The following HEATR5A variants were observed in gnomAD, a reference collection of about 807,000 sequenced individuals.
HEATR5A encodes the protein HEAT repeat containing 5A.
A neutral mutation model predicts 218.8 loss-of-function variants in HEATR5A; 178 were observed. The ratio of observed to expected loss-of-function variants is 0.81; its 90% CI spans 0.72 to 0.92. The LOEUF (loss-of-function observed/expected upper bound fraction) is 0.92, where lower values mean the gene tolerates loss of function less well. HEATR5A is among the 40% of genes least tolerant of loss of function. The pLI is 0.00. For missense variants in HEATR5A, 2,420 were observed against 2,418.9 expected, an observed-to-expected ratio of 1.00 and a Z score of -0.01; for synonymous variants, 864 against 871.6, an observed-to-expected ratio of 0.99 and a Z score of 0.15.
In HEATR5A at chr14:31,304,993, C is replaced by T; in HGVS notation, c.5151G>A (p.Lys1717=). 1 of 1,613,986 alleles carries T rather than the reference C, an allele frequency of 6.2e-7. No individual in the cohort carries two copies. Among genetic ancestry groups the T allele is most frequent in the Non-Finnish European group, 8.5e-7 (1 of 1,179,892 alleles). ...TTCCATCTTCTAATAGTATCTGTGGCTTCGTAGCTTTTACTCCTGGGCTAC... is the reference window on the plus strand; with the variant it reads ...TTCCATCTTCTAATAGTATCTGTGGTTTCGTAGCTTTTACTCCTGGGCTAC... ...LTGSPGVKAT[K]PQILLEDGSR... is the part of the protein sequence containing the mutation. The change falls in exon 32 of 36, where the codon AAG becomes AAA. Residue 1717 remains lysine, a synonymous_variant. Coordinates refer to ENST00000543095, the MANE Select transcript of HEATR5A (RefSeq NM_015473.4).
At position 31,293,104 on chromosome 14, in the gene HEATR5A, A is replaced by G. The variant is rs1899071250; in HGVS notation, c.*201T>C. On this transcript the variant is annotated 3_prime_UTR_variant, in exon 36 of 36. Transcript: ENST00000543095. ...GCTCCATTGTCTTTTTAAATAGAAAAACAAAACAAAACAAAACACAAACCC... is the reference window on the plus strand; with the variant it reads ...GCTCCATTGTCTTTTTAAATAGAAAGACAAAACAAAACAAAACACAAACCC... The G allele has an allele frequency of 2.2e-6, 1 of 453,002 alleles. No individual in the cohort carries two copies. Among genetic ancestry groups the G allele is most frequent in the Non-Finnish European group, 3.8e-6 (1 of 259,768 alleles). The allele number at this position is 453,002 out of a possible 1,614,324, so 28.1% of individuals were successfully genotyped here. A position where few individuals can be genotyped will look rare whatever the true frequency, so the allele number is the denominator to read the frequency against.
intron 32 of HEATR5A, among the ~76,000 whole-genome samples, chr14:31,303,350 T>C (rs1899449874): frequency 6.6e-6 from 1 of 152,100 alleles, no homozygotes. Context: ...GAAGAACTGC[T>C]TGAACCCGGG....
chr14:31,360,105 A>G (rs1028580360), intron 14 of HEATR5A, among the ~76,000 whole-genome samples: 3 of 150,716 alleles, frequency 2.0e-5, no homozygotes, highest in African/African-American at 4.9e-5. Flanking sequence ...CAAATTTCCA[A>G]CTATCTCATA....
Position 31,371,858 on chromosome 14 carries a change from G to A in HEATR5A, c.1913C>T (p.Thr638Ile). 6.4e-7 allele frequency: 1 copy of A among 1,554,062 alleles called. No individual in the cohort carries two copies. The highest frequency in any genetic ancestry group is 8.7e-7 in the Non-Finnish European group (1 of 1,147,974). The change falls in exon 13 of 36, where the codon ACT becomes ATT. Residue 638 changes from threonine to isoleucine, a missense_variant. By Grantham distance (89) the Thr-to-Ile change is moderately conservative (BLOSUM62 -1). Transcript: ENST00000543095. ...HCGDLLTEEV[T>I]QRLLPPLPCA... The stretch of plus-strand genomic sequence containing the variant: ...AGGAAGTGGTGGAAGAAGACGCTGA[G>A]TTACTTCCTCAGTAAGAAGATCACC...
chr14:31,353,069 G>A (rs1347846827), intron 16 of HEATR5A, among the ~76,000 whole-genome samples: 2 of 151,216 alleles, frequency 1.3e-5, no homozygotes, highest in Non-Finnish European at 2.9e-5. Flanking sequence ...TGTATTTATC[G>A]TAATAAATTT....
intron 1 of HEATR5A, among the ~76,000 whole-genome samples, chr14:31,409,299 C>T (rs942003954): frequency 1.3e-4 from 20 of 151,024 alleles, no homozygotes; most frequent in Non-Finnish European, 2.1e-4. Flanking sequence ...CCAACCGCCT[C>T]GGCATCCCAA....
rs190037653 is a variant in HEATR5A at position 31,372,419 on chromosome 14, T to C, written c.1862-510A>G. On this transcript the variant is annotated intron_variant, in intron 12 of 35. Transcript: ENST00000543095. ...TCTCGAAGTCCTGGCCTCAAGTGAT[T>C]GATCTGTCTGCCTGGGCCTCCCAAA... Among the ~76,000 whole-genome samples, 274 of 152,340 alleles carry C rather than the reference T, an allele frequency of 1.8e-3. 1 individual carries two copies. The highest frequency in any genetic ancestry group is 3.2e-3 in the Non-Finnish European group (218 of 68,026).
intron 21 of HEATR5A, among the ~76,000 whole-genome samples, chr14:31,338,390 C>T (rs536845246): frequency 1.3e-5 from 2 of 152,130 alleles, no homozygotes; most frequent in Admixed American, 1.3e-4. Flanking sequence ...CATTACAGAA[C>T]ACCAAATTTT....
rs116735504 is a variant in HEATR5A at position 31,293,610 on chromosome 14, C to A, written c.5836G>T (p.Ala1946Ser). ...GGCAAAAGACAGGCCACCAGCTGAGCGCCTAGAAAGTAAACAAATAATATA... is the reference window on the plus strand; with the variant it reads ...GGCAAAAGACAGGCCACCAGCTGAGAGCCTAGAAAGTAAACAAATAATATA... ...LVTVAEEHHRAQLVACLLPIL... is the reference protein window; with the variant it reads ...LVTVAEEHHRSQLVACLLPIL... The change falls in exon 36 of 36, where the codon GCT becomes TCT. Residue 1946 changes from alanine to serine, a missense_variant and splice_region_variant. Coordinates refer to ENST00000543095, the MANE Select transcript of HEATR5A (RefSeq NM_015473.4). 1 of 1,599,480 alleles carries A rather than the reference C, an allele frequency of 6.3e-7. No individual in the cohort carries two copies. Among genetic ancestry groups the A allele is most frequent in the Non-Finnish European group, 8.5e-7 (1 of 1,175,108 alleles).
rs183409251 is a variant in HEATR5A at position 31,299,838 on chromosome 14, C to T, written c.5464+2457G>A. 8.6e-4 allele frequency among the ~76,000 whole-genome samples: 130 copies of T among 151,300 alleles called. 1 individual carries two copies. In the East Asian group the frequency reaches 0.023, roughly 27 times the overall value. ...ACGAGGTCAGGAGTTCGAGACCAGC[C>T]TGACCAACATGGTGAAACCGTCTCT... On this transcript the variant is annotated intron_variant, in intron 33 of 35. Transcript: ENST00000543095.
intron 13 of HEATR5A, among the ~76,000 whole-genome samples, chr14:31,366,112 G>C (rs1747983203): frequency 6.6e-6 from 1 of 152,040 alleles, no homozygotes; most frequent in Non-Finnish European, 1.5e-5. Context: ...AAACATAATT[G>C]TAACACCTGG....
rs1451306051 is a variant in HEATR5A at position 31,318,232 on chromosome 14, C to T, written c.4030G>A (p.Ala1344Thr). 2 of 1,613,556 alleles carry T rather than the reference C, an allele frequency of 1.2e-6. No individual in the cohort carries two copies. Among genetic ancestry groups the T allele is most frequent in the Admixed American group, 1.7e-5 (1 of 60,024 alleles). ...ATCTTTTAACCATTTACCTGACATG[C>T]TTTGGCAGTGACATCAGGTGGTGTC... ...SETPPDVTAKACQVCSAWIAS... is the reference protein window; with the variant it reads ...SETPPDVTAKTCQVCSAWIAS... Residue 1344 changes from alanine (A) to threonine (T), a missense_variant, in exon 26 of 36, where the codon GCA becomes ACA. By Grantham distance (58) the Ala-to-Thr change is moderately conservative. Coordinates refer to ENST00000543095, the MANE Select transcript of HEATR5A (RefSeq NM_015473.4).
chr14:31,404,797 C>A (rs756819412), intron 1 of HEATR5A, among the ~76,000 whole-genome samples: 4 of 151,824 alleles, frequency 2.6e-5, no homozygotes, highest in Non-Finnish European at 4.4e-5. Flanking sequence ...GCCTGTAGTC[C>A]CCGCTACTTG....
rs765243166 is a variant in HEATR5A at position 31,386,451 on chromosome 14, T to C, written c.1314A>G (p.Thr438=). The C allele has an allele frequency of 1.9e-6, 3 of 1,613,770 alleles. No homozygotes were observed. The highest frequency in any genetic ancestry group is 4.5e-5 in the East Asian group (2 of 44,888). Residue 438 remains threonine (T), a synonymous_variant, in exon 9 of 36, where the codon ACA becomes ACG. Coordinates refer to ENST00000543095, the MANE Select transcript of HEATR5A (RefSeq NM_015473.4). ...LGNLIHNLGT[T]AAPLLQDSST... Reference sequence around the variant, plus strand: ...TTGAATCCTGTAGCAAAGGTGCCGCTGTGGTGCCAAGATTGTGTATGAGAT... The same window carrying C: ...TTGAATCCTGTAGCAAAGGTGCCGCCGTGGTGCCAAGATTGTGTATGAGAT...
chr14:31,400,527 A>G lies in HEATR5A; in HGVS notation c.127-15T>C, dbSNP rs1449170354. On this transcript the variant is annotated splice_polypyrimidine_tract_variant and intron_variant, in intron 2 of 35. Transcript: ENST00000543095. ...CTTACATCATTCTAGAAAGAAAGAT[A>G]ACACAAAGACAATTCAAAGTCAATA... 2.7e-6 allele frequency: 4 copies of G among 1,475,374 alleles called. No individual in the cohort carries two copies. Among genetic ancestry groups the G allele is most frequent in the African/African-American group, 2.8e-5 (2 of 71,578 alleles). 91.4% of individuals were successfully genotyped at this position (1,475,374 alleles called of 1,614,324 possible).
At position 31,358,944 on chromosome 14, in the gene HEATR5A, T is replaced by A; in HGVS notation, c.2185A>T (p.Ile729Leu). The A allele has an allele frequency of 6.3e-7, 1 of 1,591,472 alleles. No individual in the cohort carries two copies. Among genetic ancestry groups the A allele is most frequent in the Non-Finnish European group, 8.5e-7 (1 of 1,174,682 alleles). The change falls in exon 15 of 36, where the codon ATA becomes TTA. Residue 729 changes from isoleucine to leucine, a missense_variant. Ile to Leu is a conservative substitution (Grantham distance 5). Coordinates refer to ENST00000543095, the MANE Select transcript of HEATR5A (RefSeq NM_015473.4). ...PPLCHQDDLL[I>L]LSPFLQETDH... is the part of the protein sequence containing the mutation. ...GTCTCTTGTAGGAAAGGACTTAGTA[T>A]CAAAAGATCATCCTGATGACAGAGG...
intron 33 of HEATR5A, chr14:31,297,702 A>C (rs1200562049): frequency 6.6e-6 from 1 of 151,982 alleles, no homozygotes; most frequent in Non-Finnish European, 1.5e-5. Flanking sequence ...ATTTAAAGTT[A>C]ACATGTAGCA....
intron 25 of HEATR5A, 111 bp from the exon 26 acceptor site, chr14:31,318,403 G>A: frequency 1.2e-6 from 1 of 843,408 alleles, no homozygotes; most frequent in South Asian, 1.6e-5. Flanking sequence ...ATTATGGACA[G>A]CTGTTGTTTT....
chr14:31,330,169 T>A (rs1725695803), intron 22 of HEATR5A, among the ~76,000 whole-genome samples: 2 of 152,214 alleles, frequency 1.3e-5, no homozygotes, highest in African/African-American at 4.8e-5. Flanking sequence ...CATCTGGGCA[T>A]TTCCATGCAT....
Sources: gnomAD v4.1 joint callset for allele counts (sites outside exome capture counted in the v4.1 genomes callset) on GRCh38, gnomAD v4.1.1 for gene constraint, MANE v1.5 for transcripts, NCBI Gene and HGNC (gene_info 2026-07-23, HGNC 2026-07-21) for gene names.